CAMSAP1: variants seen among roughly 807,000 people sequenced by gnomAD.
The protein encoded by CAMSAP1 is calmodulin regulated spectrin associated protein 1.
In CAMSAP1, 58 loss-of-function variants were observed where a neutral mutation model predicts 143.5. The observed-to-expected ratio is 0.40, with a 90% CI of 0.33 to 0.50. The LOEUF (loss-of-function observed/expected upper bound fraction) is 0.50, where lower values mean the gene tolerates loss of function less well. Ranked by LOEUF, CAMSAP1 falls within the 20% of genes least tolerant of loss-of-function variation. The probability of loss-of-function intolerance (pLI) is 0.45; values close to 1 mark genes in which losing one functional copy is unlikely to be tolerated. For synonymous variants in CAMSAP1, 945 were observed against 859.3 expected (o/e 1.10, Z -1.74); for missense variants, 1,969 against 2,115.7 (o/e 0.93, Z 1.36).
chr9:135,823,318 A>G lies in CAMSAP1; in HGVS notation c.1401-58T>C, dbSNP rs753265670. On this transcript the variant is annotated intron_variant, in intron 10 of 16. Transcript: ENST00000389532. ...GCGGTATACACCAAAGACCCCCAAC[A>G]TGGACCAGGGGGTGAGAATGCCGGC... 1.7e-5 allele frequency: 25 copies of G among 1,502,570 alleles called. No homozygotes were observed. In the Admixed American group the frequency reaches 2.7e-4, roughly 17 times the overall value. The allele number at this position is 1,502,570 out of a possible 1,614,324, so 93.1% of individuals were successfully genotyped here.
chr9:135,820,070 T>G lies in CAMSAP1; in HGVS notation c.3822+769A>C, dbSNP rs567212863. Among the ~76,000 whole-genome samples, 6 of 152,354 alleles carry G rather than the reference T, an allele frequency of 3.9e-5. No homozygotes were observed. Among genetic ancestry groups the G allele is most frequent in the African/African-American group, 1.4e-4 (6 of 41,584 alleles). On this transcript the variant is annotated intron_variant, in intron 11 of 16. Coordinates refer to ENST00000389532, the MANE Select transcript of CAMSAP1 (RefSeq NM_015447.4). The surrounding 1 kb of genome is among the most constrained non-coding windows in gnomAD (Gnocchi z 4.4). Reference sequence around the variant, plus strand: ...AGGTCCTCAGGTGACTCTGCTGCTGTGTGAGCATGACGGAGTGTGCGCACA... The same window carrying G: ...AGGTCCTCAGGTGACTCTGCTGCTGGGTGAGCATGACGGAGTGTGCGCACA...
intron 1 of CAMSAP1, among the ~76,000 whole-genome samples, chr9:135,903,212 T>G (rs1564465745): frequency 6.6e-6 from 1 of 152,202 alleles, no homozygotes; most frequent in Non-Finnish European, 1.5e-5. Flanking sequence ...CGCCTCAACT[T>G]TCCACCAATT....
chr9:135,843,701 C>T (rs993958351), intron 7 of CAMSAP1, among the ~76,000 whole-genome samples: 1 of 151,662 alleles, frequency 6.6e-6, no homozygotes, highest in African/African-American at 2.4e-5. Flanking sequence ...GAAACCCCGT[C>T]TCTACTAAAA....
intron 7 of CAMSAP1, among the ~76,000 whole-genome samples, chr9:135,840,431 A>G (rs894254382): frequency 2.0e-5 from 3 of 152,246 alleles, no homozygotes; most frequent in East Asian, 1.9e-4. Context: ...AGGGGGCTCC[A>G]GCCATGACTC....
intron 7 of CAMSAP1, among the ~76,000 whole-genome samples, chr9:135,846,362 A>G (rs1283877143): frequency 6.6e-6 from 1 of 152,210 alleles, no homozygotes; most frequent in East Asian, 1.9e-4. Context: ...CTTACACCTT[A>G]TACAAAAATT....
At position 135,821,350 on chromosome 9, in the gene CAMSAP1, G is replaced by A. The variant is rs201872438; in HGVS notation, c.3311C>T (p.Pro1104Leu). 5.6e-6 allele frequency: 9 copies of A among 1,613,580 alleles called. No homozygotes were observed. The East Asian group carries it at 1.3e-4, about 24-fold the overall frequency. Residue 1104 changes from proline (P) to leucine (L), a missense_variant, in exon 11 of 17, where the codon CCG becomes CTG. Pro to Leu is a moderately conservative substitution (Grantham distance 98). Around this residue, in one of 4 missense-constraint regions of CAMSAP1, gnomAD observed 1,390 missense variants for 1,420.8 expected, o/e 0.98. Transcript: ENST00000389532. This position sits in a 1 kb window ranked among gnomAD's most constrained non-coding sequence, Gnocchi z 4.6. ...GQGRNSRSGR[P>L]AELKVPKDRP... The stretch of plus-strand genomic sequence containing the variant: ...GTCTTTTGGGACCTTCAGCTCCGCC[G>A]GCCTTCCGGAACGGGAATTCCGGCC...
At position 135,829,382 on chromosome 9, in the gene CAMSAP1, T is replaced by C. The variant is rs933185907; in HGVS notation, c.1046-1798A>G. Among the ~76,000 whole-genome samples, 3 of 150,540 alleles carry C rather than the reference T, an allele frequency of 2.0e-5. No individual in the cohort carries two copies. The South Asian group carries it at 6.3e-4, about 32-fold the overall frequency. ...TAAAGTAGCTAGGCATGGTGGCACA[T>C]GCCTGTAGCCTGTAGTCCCAGCTAC... On this transcript the variant is annotated intron_variant, in intron 7 of 16. Transcript: ENST00000389532.
In CAMSAP1 at chr9:135,822,388, G is replaced by A; in HGVS notation, c.2273C>T (p.Pro758Leu). 2 of 1,613,984 alleles carry A rather than the reference G, an allele frequency of 1.2e-6. No homozygotes were observed. Among genetic ancestry groups the A allele is most frequent in the East Asian group, 4.5e-5 (2 of 44,888 alleles). ...AEHDFMGEAH[P>L]VVFSRYIGEE... ...CCCAATGTATCTGCTGAAAACCACA[G>A]GATGGGCCTCACCCATGAAATCGTG... is the stretch of plus-strand genomic sequence containing the variant. The change falls in exon 11 of 17, where the codon CCT becomes CTT. Residue 758 changes from proline to leucine, a missense_variant. Transcript: ENST00000389532. The surrounding 1 kb of genome is among the most constrained non-coding windows in gnomAD (Gnocchi z 6.1).
chr9:135,832,955 CA>C (rs1404317972), intron 7 of CAMSAP1, among the ~76,000 whole-genome samples: 1 of 152,074 alleles, frequency 6.6e-6, no homozygotes, highest in African/African-American at 2.4e-5. Context: ...TCCATACTAC[CA>C]AAAATGACCT....
rs1446884265 is a variant in CAMSAP1 at position 135,821,572 on chromosome 9, G to A, written c.3089C>T (p.Thr1030Ile). 8.7e-6 allele frequency: 14 copies of A among 1,613,978 alleles called. No homozygotes were observed. The highest frequency in any genetic ancestry group is 1.2e-5 in the Non-Finnish European group (14 of 1,179,856). Residue 1030 changes from threonine (T) to isoleucine (I), a missense_variant, in exon 11 of 17, where the codon ACC becomes ATC. Physicochemically the swap from Thr to Ile is moderately conservative, Grantham distance 89. Coordinates refer to ENST00000389532, the MANE Select transcript of CAMSAP1 (RefSeq NM_015447.4). The surrounding 1 kb of genome is among the most constrained non-coding windows in gnomAD (Gnocchi z 4.6). Reference sequence around the variant, plus strand: ...GATGGCCTGCTGCAGCGTACTGATGGTTTCGTTAAGCTTCTCGATGGAAAG... The same window carrying A: ...GATGGCCTGCTGCAGCGTACTGATGATTTCGTTAAGCTTCTCGATGGAAAG... The part of the protein sequence containing the change: ...CDLSIEKLNE[T>I]ISTLQQAILK...
chr9:135,861,273 G>C (rs1255867219), intron 5 of CAMSAP1, among the ~76,000 whole-genome samples: 2 of 151,588 alleles, frequency 1.3e-5, no homozygotes, highest in African/African-American at 4.8e-5. Context: ...CAATGACAGA[G>C]ACCGTCTCCT....
At chr9:135,893,803 C>T (rs150422968) in intron 1 of CAMSAP1, among the ~76,000 whole-genome samples, 212 of 152,302 alleles carry the variant, frequency 1.4e-3, no homozygotes, top group African/African-American at 4.7e-3. Context: ...ATTTTTCAAG[C>T]AGCCAGAAGG....
intron 5 of CAMSAP1, among the ~76,000 whole-genome samples, chr9:135,858,750 G>C (rs1241379348): frequency 6.6e-6 from 1 of 152,248 alleles, no homozygotes; most frequent in Non-Finnish European, 1.5e-5. Flanking sequence ...CAGCAAAGCT[G>C]ATGGTGCAGC....
In CAMSAP1 at chr9:135,866,455, C is replaced by A; in HGVS notation, c.666+1G>T. 2 of 1,409,818 alleles carry A rather than the reference C, an allele frequency of 1.4e-6. No homozygotes were observed. Among genetic ancestry groups the A allele is most frequent in the Non-Finnish European group, 2.0e-6 (2 of 1,018,270 alleles). 87.3% of individuals were successfully genotyped at this position (1,409,818 alleles called of 1,614,324 possible). On this transcript the variant is annotated splice_donor_variant, in intron 4 of 16. Coordinates refer to ENST00000389532, the MANE Select transcript of CAMSAP1 (RefSeq NM_015447.4). LOFTEE classifies it high-confidence loss of function. ...CCAGAAAAATTAAATTTACCCTTTA[C>A]CTTTTGATGAGCTGGACTTTCCAAT...
chr9:135,849,411 T>A (rs181373291), intron 7 of CAMSAP1, among the ~76,000 whole-genome samples: 1 of 152,314 alleles, frequency 6.6e-6, no homozygotes, highest in Admixed American at 6.5e-5. Flanking sequence ...CTGGGTGTCA[T>A]CTTTAATTTG....
chr9:135,816,056 TCAC>T, intron 14 of CAMSAP1, 51 bp from the exon 15 acceptor site: 1 of 1,550,700 alleles, frequency 6.4e-7, no homozygotes, highest in Non-Finnish European at 8.9e-7. Context: ...TGGCTTCCTC[TCAC>T]CACTGCTGGC....
chr9:135,853,091 T>C (rs1400692648), intron 5 of CAMSAP1, among the ~76,000 whole-genome samples: 1 of 152,164 alleles, frequency 6.6e-6, no homozygotes, highest in Non-Finnish European at 1.5e-5. Flanking sequence ...GGCCAGCACA[T>C]GCCACCTGCA....
chr9:135,835,647 A>G (rs2131695946), intron 7 of CAMSAP1, among the ~76,000 whole-genome samples: 1 of 152,348 alleles, frequency 6.6e-6, no homozygotes, highest in East Asian at 1.9e-4. Flanking sequence ...TCAGTATGCC[A>G]TGCTGGACGG....
At position 135,817,978 on chromosome 9, in the gene CAMSAP1, G is replaced by T. The variant is rs148998956; in HGVS notation, c.4270C>A (p.Arg1424=). Reference sequence around the variant, plus strand: ...CGGCGGCCGTCTCAGGCCCCTTACCGCTGAGAGGGTGTGCCCCCGGAATGA... The same window carrying T: ...CGGCGGCCGTCTCAGGCCCCTTACCTCTGAGAGGGTGTGCCCCCGGAATGA... ...SVHSGGTPSQ[R]VESMEALPIL... is the part of the protein sequence containing the mutation. The change falls in exon 14 of 17, where the codon CGA becomes AGA. Residue 1424 remains arginine, a splice_region_variant and synonymous_variant. Coordinates refer to ENST00000389532, the MANE Select transcript of CAMSAP1 (RefSeq NM_015447.4). 2.1e-3 allele frequency: 3,350 copies of T among 1,613,678 alleles called. 8 individuals are homozygous for T. The highest frequency in any genetic ancestry group is 2.6e-3 in the Non-Finnish European group (3,103 of 1,179,774).
Sources: gnomAD v4.1 joint callset for allele counts (sites outside exome capture counted in the v4.1 genomes callset) on GRCh38, gnomAD v4.1.1 for gene constraint, gnomAD v4.1.1 regional missense constraint, Gnocchi (gnomAD v3.1) non-coding constraint, MANE v1.5 for transcripts, NCBI Gene and HGNC (gene_info 2026-07-23, HGNC 2026-07-21) for gene names.